The following PREX1 variants were observed in gnomAD, a reference collection of about 807,000 sequenced individuals.
PREX1 encodes phosphatidylinositol 3,4,5-trisphosphate-dependent Rac exchanger 1 protein.
Under a neutral mutation model 198.3 loss-of-function variants are expected in PREX1, and 41 were observed. That is an observed-to-expected ratio of 0.21 (90% confidence interval 0.16 to 0.27). The LOEUF (loss-of-function observed/expected upper bound fraction) is 0.27. Ranked by LOEUF, PREX1 falls within the 10% of genes least tolerant of loss-of-function variation. PREX1 has a pLI of 1.00. For synonymous variants in PREX1, 843 were observed against 887.2 expected (o/e 0.95, Z 0.89); for missense variants, 1,620 against 2,200.7 (o/e 0.74, Z 5.28).
At chr20:48,814,574 G>T (rs1054820638) in intron 1 of PREX1, among the ~76,000 whole-genome samples, 2 of 152,186 alleles carry the variant, frequency 1.3e-5, no homozygotes, top group African/African-American at 4.8e-5. Context: ...GAAATGTGGT[G>T]GGGCCTGGAC....
At chr20:48,630,587 G>T in intron 36 of PREX1, 141 bp downstream of exon 36, 1 of 643,224 alleles carries the variant, frequency 1.6e-6, no homozygotes, top group East Asian at 2.7e-5. Context: ...AGACTTCCTG[G>T]AGGAGGAGAG....
At chr20:48,865,672 A>G in the PREX1 span, among the ~76,000 whole-genome samples, 1 of 152,302 alleles carries the variant, frequency 6.6e-6, no homozygotes, top group East Asian at 1.9e-4. Flanking sequence ...TGAAGATCGA[A>G]GTTTCAACCT....
intron 1 of PREX1, among the ~76,000 whole-genome samples, chr20:48,794,049 C>A (rs1038073453): frequency 3.3e-5 from 5 of 152,150 alleles, no homozygotes; most frequent in Admixed American, 6.5e-5. Context: ...TCACTAGAAG[C>A]CCCCATGGGA....
At chr20:48,764,245 A>G (rs1291076999) in intron 1 of PREX1, among the ~76,000 whole-genome samples, 2 of 152,202 alleles carry the variant, frequency 1.3e-5, no homozygotes. Flanking sequence ...CTTGCAGGAC[A>G]GAAAGGACCC....
chr20:48,764,845 TC>T (rs1254417339), intron 1 of PREX1, among the ~76,000 whole-genome samples: 1 of 143,384 alleles, frequency 7.0e-6, no homozygotes, highest in Non-Finnish European at 1.5e-5. Context: ...GTGCCAGGGG[TC>T]AGAGGAAGAC....
chr20:48,789,080 A>G (rs2090325866), intron 1 of PREX1, among the ~76,000 whole-genome samples: 2 of 152,220 alleles, frequency 1.3e-5, no homozygotes, highest in Admixed American at 1.3e-4. Context: ...AGATAGACTA[A>G]GACACTCACT....
intron 3 of PREX1, among the ~76,000 whole-genome samples, chr20:48,741,203 G>A (rs2090080041): frequency 6.6e-6 from 1 of 152,190 alleles, no homozygotes; most frequent in African/African-American, 2.4e-5. Flanking sequence ...CGTGTGAGCT[G>A]AACTGAAGAA....
At chr20:48,717,814 G>A (rs1289626465) in intron 5 of PREX1, among the ~76,000 whole-genome samples, 1 of 152,212 alleles carries the variant, frequency 6.6e-6, no homozygotes, top group Non-Finnish European at 1.5e-5. Flanking sequence ...TTCCTATCAG[G>A]AAGTTCCTGT....
At chr20:48,696,483 C>T (rs2089846268) in intron 7 of PREX1, among the ~76,000 whole-genome samples, 2 of 152,200 alleles carry the variant, frequency 1.3e-5, no homozygotes, top group African/African-American at 4.8e-5. Flanking sequence ...TACGACCTTA[C>T]AGCAGGACTT....
chr20:48,813,477 C>T (rs557972374), intron 1 of PREX1, among the ~76,000 whole-genome samples: 2 of 152,322 alleles, frequency 1.3e-5, no homozygotes, highest in Non-Finnish European at 2.9e-5. Context: ...TGAATATAGA[C>T]TGTGCATTGT....
chr20:48,706,623 G>A (rs1274081706), intron 6 of PREX1, among the ~76,000 whole-genome samples: 2 of 152,290 alleles, frequency 1.3e-5, no homozygotes, highest in East Asian at 3.9e-4. Context: ...GGTGCCTGGA[G>A]CTGCCGCCTT....
intron 37 of PREX1, 126 bp downstream of exon 37, chr20:48,629,323 C>T (rs1019958310): frequency 1.8e-5 from 23 of 1,287,318 alleles, no homozygotes; most frequent in Middle Eastern, 2.8e-4. Flanking sequence ...AGAGCCAAGG[C>T]TCTACAGGCA....
At position 48,632,405 on chromosome 20, in the gene PREX1, T is replaced by C. The variant is rs61480474; in HGVS notation, c.4412-14A>G. On this transcript the variant is annotated splice_polypyrimidine_tract_variant and intron_variant, in intron 34 of 39. Coordinates refer to ENST00000371941, the MANE Select transcript of PREX1 (RefSeq NM_020820.4). Reference sequence around the variant, plus strand: ...CGTTCTCCAGCACTGGGAGGGGAGATGTCGGGGGCGGGCAGGCGGTTGGGA... The same window carrying C: ...CGTTCTCCAGCACTGGGAGGGGAGACGTCGGGGGCGGGCAGGCGGTTGGGA... 752 of 1,613,254 alleles carry C rather than the reference T, an allele frequency of 4.7e-4. 5 individuals carry two copies. The African/African-American group carries it at 8.9e-3, about 19-fold the overall frequency.
At chr20:48,690,733 G>A (rs1409978287) in intron 9 of PREX1, among the ~76,000 whole-genome samples, 4 of 152,084 alleles carry the variant, frequency 2.6e-5, no homozygotes, top group Non-Finnish European at 5.9e-5. Context: ...CCTTCTTTTG[G>A]GCCTCAGTTT....
chr20:48,627,582 G>C lies in PREX1; in HGVS notation c.4903C>G (p.Arg1635Gly). Residue 1635 changes from arginine (R) to glycine (G), a missense_variant, in exon 39 of 40, where the codon CGA becomes GGA. Arg to Gly is a moderately radical substitution (Grantham distance 125, BLOSUM62 -2). Around this residue, in one of 7 missense-constraint regions of PREX1, gnomAD observed 476 missense variants for 603.4 expected, o/e 0.79. Coordinates refer to ENST00000371941, the MANE Select transcript of PREX1 (RefSeq NM_020820.4). ...PRVEILAKNL[R>G]VKDQMPQGAP... Reference sequence around the variant, plus strand: ...CCCTGGGGCATCTGGTCCTTGACTCGCAGGTTTTTGGCCAGAATCTCCACC... The same window carrying C: ...CCCTGGGGCATCTGGTCCTTGACTCCCAGGTTTTTGGCCAGAATCTCCACC... 1 of 1,613,772 alleles carries C rather than the reference G, an allele frequency of 6.2e-7. No individual in the cohort carries two copies. Among genetic ancestry groups the C allele is most frequent in the Non-Finnish European group, 8.5e-7 (1 of 1,179,918 alleles).
chr20:48,716,191 C>T (rs1239227307), intron 5 of PREX1, among the ~76,000 whole-genome samples: 1 of 152,190 alleles, frequency 6.6e-6, no homozygotes, highest in African/African-American at 2.4e-5. Flanking sequence ...CAGCATCCGC[C>T]CCTCGAGTCC....
At chr20:48,689,654 AT>A (rs2089806549) in intron 9 of PREX1, among the ~76,000 whole-genome samples, 1 of 152,188 alleles carries the variant, frequency 6.6e-6, no homozygotes, top group African/African-American at 2.4e-5. Context: ...CCTGAACCCC[AT>A]CCCAGTCCTG....
At chr20:48,644,323 A>G in intron 27 of PREX1, 86 bp downstream of exon 27, 1 of 1,137,034 alleles carries the variant, frequency 8.8e-7, no homozygotes. Context: ...TATAATGCAG[A>G]GGAAAGTATA....
the PREX1 span, among the ~76,000 whole-genome samples, chr20:48,873,554 C>CAAAAAAAAAAA: frequency 2.9e-5 from 2 of 70,110 alleles, 1 homozygote. Flanking sequence ...AGTAAAAATA[C>CAAAAAAAAAAA]AAAAAAAAAA....
Sources: allele counts gnomAD v4.1 joint callset (sites outside exome capture counted in the v4.1 genomes callset), GRCh38; gene constraint gnomAD v4.1.1; regional missense constraint gnomAD v4.1.1; transcripts MANE v1.5; gene names NCBI Gene and HGNC (gene_info 2026-07-23, HGNC 2026-07-21).